Variants in ROBO2 observed in about 807,000 individuals in gnomAD.
ROBO2 encodes the protein roundabout guidance receptor 2.
In ROBO2, 53 loss-of-function variants were observed where a neutral mutation model predicts 160.8. That is an observed-to-expected ratio of 0.33 (90% CI 0.26 to 0.41). The LOEUF is 0.41. Ranked by LOEUF, ROBO2 falls within the 10% of genes least tolerant of loss-of-function variation. The pLI is 1.00. For synonymous variants in ROBO2, 664 were observed against 611.7 expected (o/e 1.09, Z -1.26); for missense variants, 1,577 against 1,722.4 (o/e 0.92, Z 1.49).
chr3:76,581,810 G>A lies in ROBO2; in HGVS notation c.110-516204G>A, dbSNP rs1322411015. On this transcript the variant is annotated intron_variant, in intron 2 of 26. Transcript: ENST00000487694. ...TTAACTGAAAGAGGAAAAAAGAAAA[G>A]ATTGGTTTAAAAATAGATTAAATTT... 3.9e-5 allele frequency among the ~76,000 whole-genome samples: 6 copies of A among 152,234 alleles called. No individual in the cohort carries two copies. The East Asian group carries it at 1.2e-3, about 29-fold the overall frequency.
At chr3:76,821,685 G>A (rs115436618) in intron 2 of ROBO2, among the ~76,000 whole-genome samples, 3,691 of 152,002 alleles carry the variant, frequency 0.024, 62 homozygotes, top group Middle Eastern at 0.041. Flanking sequence ...ATTAAAGGGA[G>A]GCATTCTTTT....
chr3:76,184,329 C>T (rs756992056), intron 2 of ROBO2, among the ~76,000 whole-genome samples: 25 of 152,062 alleles, frequency 1.6e-4, no homozygotes, highest in East Asian at 1.9e-4. Flanking sequence ...AACTTGCCAA[C>T]GATCCGGTTC....
In ROBO2 at chr3:76,309,687, T is replaced by C. The variant is rs17140633; in HGVS notation, c.109+372085T>C. ...TTAAAATACATAAGTGCATAATTCA[T>C]GTATTGTGTCTCACTGATTAAGGAA... On this transcript the variant is annotated intron_variant, in intron 2 of 26. Coordinates refer to the ROBO2 transcript ENST00000487694. Among the ~76,000 whole-genome samples the C allele has an allele frequency of 5.7e-3, 866 of 152,330 alleles. 22 individuals carry two copies. The highest frequency in any genetic ancestry group is 0.042 in the Admixed American group (641 of 15,302).
intron 2 of ROBO2, among the ~76,000 whole-genome samples, chr3:76,207,840 T>C (rs990248536): frequency 1.3e-5 from 2 of 152,192 alleles, no homozygotes; most frequent in Non-Finnish European, 2.9e-5. Context: ...GAATGTGATA[T>C]GGTTTAGATC....
At chr3:76,085,820 C>T (rs766094732) in intron 2 of ROBO2, among the ~76,000 whole-genome samples, 6 of 152,112 alleles carry the variant, frequency 3.9e-5, no homozygotes, top group African/African-American at 9.7e-5. Flanking sequence ...CAAGAGAGCC[C>T]GTCACAAAGG....
At chr3:76,363,680 C>T (rs550090820) in intron 2 of ROBO2, among the ~76,000 whole-genome samples, 1 of 151,896 alleles carries the variant, frequency 6.6e-6, no homozygotes, top group Non-Finnish European at 1.5e-5. Flanking sequence ...CTTAACTGTA[C>T]AAATATTTGC....
At chr3:77,310,780 AC>A (rs1240631582) in intron 2 of ROBO2, among the ~76,000 whole-genome samples, 3 of 152,040 alleles carry the variant, frequency 2.0e-5, no homozygotes, top group Non-Finnish European at 2.9e-5. Flanking sequence ...ATTTACCAAT[AC>A]AATATCTATT....
chr3:77,045,448 T>C (rs529583355), intron 1 of ROBO2, among the ~76,000 whole-genome samples: 3 of 152,206 alleles, frequency 2.0e-5, no homozygotes, highest in Non-Finnish European at 2.9e-5. Flanking sequence ...AGCACAGAAC[T>C]TGGCTGTTGT....
intron 2 of ROBO2, among the ~76,000 whole-genome samples, chr3:76,819,755 C>T (rs1159348723): frequency 6.6e-6 from 1 of 151,940 alleles, no homozygotes; most frequent in Non-Finnish European, 1.5e-5. Context: ...ATCCCATTTA[C>T]AAAAACAGTA....
chr3:76,863,568 G>GT (rs2071050259), intron 2 of ROBO2, among the ~76,000 whole-genome samples: 3 of 151,914 alleles, frequency 2.0e-5, no homozygotes, highest in Non-Finnish European at 4.4e-5. Flanking sequence ...TTCTAATGTA[G>GT]TATTTATTTT....
chr3:76,408,485 A>G (rs1249527330), intron 2 of ROBO2, among the ~76,000 whole-genome samples: 1 of 152,164 alleles, frequency 6.6e-6, no homozygotes, highest in East Asian at 1.9e-4. Flanking sequence ...TTAGCTTAGT[A>G]TTAACCTTAC....
At chr3:76,099,425 C>A (rs2069590311) in intron 2 of ROBO2, among the ~76,000 whole-genome samples, 1 of 151,842 alleles carries the variant, frequency 6.6e-6, no homozygotes, top group Admixed American at 6.6e-5. Context: ...ATTACCAAAT[C>A]ACTGTAGGTT....
chr3:76,029,191 A>G (rs929878220), intron 2 of ROBO2, among the ~76,000 whole-genome samples: 10 of 152,058 alleles, frequency 6.6e-5, no homozygotes, highest in East Asian at 1.9e-4. Context: ...CAAATTTCCA[A>G]TGGTTTCAAG....
intron 2 of ROBO2, among the ~76,000 whole-genome samples, chr3:76,938,896 A>G (rs543964330): frequency 4.1e-4 from 62 of 150,482 alleles, no homozygotes; most frequent in Admixed American, 2.7e-4. Flanking sequence ...GCTTAAACCC[A>G]AGAGGTGGAG....
At chr3:77,232,700 G>A (rs991220896) in intron 2 of ROBO2, among the ~76,000 whole-genome samples, 11 of 152,106 alleles carry the variant, frequency 7.2e-5, no homozygotes, top group Non-Finnish European at 1.6e-4. Context: ...TTGGTATTTT[G>A]TTGGTTGTTT....
chr3:76,185,377 A>C (rs577352560), intron 2 of ROBO2, among the ~76,000 whole-genome samples: 7 of 151,704 alleles, frequency 4.6e-5, no homozygotes, highest in African/African-American at 1.7e-4. Flanking sequence ...ATATTTTCAC[A>C]TGTTTATTGG....
intron 5 of ROBO2, among the ~76,000 whole-genome samples, chr3:77,519,411 A>ATATAGGG (rs2090359764): frequency 6.6e-6 from 1 of 151,298 alleles, no homozygotes; most frequent in African/African-American, 2.4e-5. Flanking sequence ...TGACATGGGT[A>ATATAGGG]TATAGTGTGA....
At chr3:77,044,842 CA>C (rs927631390) in intron 1 of ROBO2, among the ~76,000 whole-genome samples, 13 of 152,146 alleles carry the variant, frequency 8.5e-5, no homozygotes, top group African/African-American at 3.1e-4. Context: ...TATAGAGTGC[CA>C]TTTTACAGAT....
chr3:77,490,226 G>A (rs1006203970), intron 4 of ROBO2, among the ~76,000 whole-genome samples: 3 of 149,680 alleles, frequency 2.0e-5, no homozygotes, highest in East Asian at 4.0e-4. Context: ...TCAGCCTCCC[G>A]AGTAGCTGGG....
Sources: allele counts gnomAD v4.1 joint callset (sites outside exome capture counted in the v4.1 genomes callset), GRCh38; gene constraint gnomAD v4.1.1; transcripts MANE v1.5; gene names NCBI Gene and HGNC (gene_info 2026-07-23, HGNC 2026-07-21).